Variants in DEFB134 observed in about 807,000 individuals in gnomAD.
DEFB134 encodes the protein beta-defensin 134.
A neutral mutation model predicts 7.4 loss-of-function variants in DEFB134; 7 were observed. The observed-to-expected ratio is 0.95, with a 90% confidence interval of 0.54 to 1.79. DEFB134 has a LOEUF of 1.79. Among genes scored for constraint, DEFB134 ranks in the 40% most tolerant of loss-of-function variants. The pLI, the probability that DEFB134 is intolerant of heterozygous loss-of-function variation, is 0.00. For missense variants in DEFB134, 105 were observed against 74.8 expected, an observed-to-expected ratio of 1.40 and a Z score of -1.49; for synonymous variants, 33 against 25.0, an observed-to-expected ratio of 1.32 and a Z score of -0.96.
chr8:11,993,486 G>C (rs1132195), exon 2 of DEFB134: 89,490 of 152,422 alleles, frequency 0.59, 26,826 homozygotes, highest in East Asian at 0.91. Context: ...CAGACTCAGT[G>C]CAGACTCGGG....
At chr8:11,999,178 C>T, upstream of DEFB134, 1 of 188,264 alleles carries the variant, frequency 5.3e-6, no homozygotes. Context: ...ATATCATGTC[C>T]AATTTCTTAG....
chr8:11,997,074 G>A (rs1018298687), upstream of DEFB134, among the ~76,000 whole-genome samples: 99 of 151,954 alleles, frequency 6.5e-4, 3 homozygotes, highest in Admixed American at 3.9e-4. Context: ...TTCCCCTCCT[G>A]ATTCTCTTTC....
chr8:11,999,451 C>G (rs1221975547), upstream of DEFB134: 1 of 155,060 alleles, frequency 6.4e-6, no homozygotes, highest in African/African-American at 2.4e-5. Context: ...CTGGAAGAGG[C>G]TTTAACCCAA....
chr8:11,996,659 AC>A (rs1800132196), upstream of DEFB134, among the ~76,000 whole-genome samples: 1 of 152,250 alleles, frequency 6.6e-6, no homozygotes, highest in African/African-American at 2.4e-5. Flanking sequence ...TGGACAAGTT[AC>A]AGATGAACTG....
chr8:11,997,854 C>G (rs116153332), upstream of DEFB134, among the ~76,000 whole-genome samples: 1 of 152,268 alleles, frequency 6.6e-6, no homozygotes, highest in South Asian at 2.1e-4. Context: ...CTAAACTCAA[C>G]ACTTGACCAA....
At chr8:11,999,268 G>C (rs1030731078), upstream of DEFB134, 1 of 209,906 alleles carries the variant, frequency 4.8e-6, no homozygotes, top group African/African-American at 2.4e-5. Flanking sequence ...AGAATTACTG[G>C]CTGAGGCTCC....
chr8:11,995,890 CTCT>C (rs1259826725), intron 1 of DEFB134, among the ~76,000 whole-genome samples: 3 of 149,722 alleles, frequency 2.0e-5, no homozygotes, highest in Non-Finnish European at 4.4e-5. Flanking sequence ...CCTTGTGAGA[CTCT>C]TCATTTCCAT....
exon 2 of DEFB134, chr8:11,993,879 G>A: frequency 6.8e-7 from 1 of 1,481,222 alleles, no homozygotes; most frequent in Non-Finnish European, 9.0e-7. Flanking sequence ...AGTAGTCATG[G>A]ACACATCATG....
chr8:11,997,784 AC>A (rs1294425553), upstream of DEFB134, among the ~76,000 whole-genome samples: 1 of 152,196 alleles, frequency 6.6e-6, no homozygotes, highest in Non-Finnish European at 1.5e-5. Context: ...AGACATTGAC[AC>A]CCCACTGACA....
upstream of DEFB134, among the ~76,000 whole-genome samples, chr8:11,997,296 C>T (rs537832652): frequency 6.6e-6 from 1 of 152,308 alleles, no homozygotes; most frequent in South Asian, 2.1e-4. Flanking sequence ...GGCTATACAT[C>T]TATGTGTTTA....
intron 1 of DEFB134, among the ~76,000 whole-genome samples, chr8:11,995,664 A>G (rs1464564579): frequency 6.6e-6 from 1 of 152,206 alleles, no homozygotes; most frequent in Non-Finnish European, 1.5e-5. Context: ...TAGTAAATTA[A>G]CTGTAGGAAA....
intron 1 of DEFB134, among the ~76,000 whole-genome samples, chr8:11,995,277 A>G (rs1338514295): frequency 2.0e-5 from 3 of 152,200 alleles, no homozygotes; most frequent in Non-Finnish European, 2.9e-5. Context: ...CCGTAATGGA[A>G]TTGGTTGCAT....
intron 1 of DEFB134, among the ~76,000 whole-genome samples, chr8:11,995,486 G>A: frequency 6.6e-6 from 1 of 152,266 alleles, no homozygotes; most frequent in Non-Finnish European, 1.5e-5. Flanking sequence ...GCTAAAGTCG[G>A]AAAGGATATG....
upstream of DEFB134, among the ~76,000 whole-genome samples, chr8:11,997,087 C>T (rs964099038): frequency 5.9e-5 from 9 of 152,146 alleles, no homozygotes; most frequent in African/African-American, 1.9e-4. Context: ...TCTCTTTCAC[C>T]TCTCAGTCTA....
upstream of DEFB134, among the ~76,000 whole-genome samples, chr8:12,000,697 A>C (rs775910300): frequency 2.0e-5 from 3 of 152,210 alleles, no homozygotes; most frequent in Admixed American, 6.5e-5. Flanking sequence ...GTCTCCCCCA[A>C]AATATCTTAC....
chr8:11,995,083 G>T (rs1800082133), intron 1 of DEFB134, among the ~76,000 whole-genome samples: 1 of 152,208 alleles, frequency 6.6e-6, no homozygotes, highest in Non-Finnish European at 1.5e-5. Context: ...TACTTAGTTT[G>T]CAAGACAGAA....
intron 1 of DEFB134, among the ~76,000 whole-genome samples, chr8:11,995,109 C>G (rs554450537): frequency 6.6e-6 from 1 of 152,164 alleles, no homozygotes; most frequent in Non-Finnish European, 1.5e-5. Context: ...AGAGGACAAT[C>G]TGTAACACTT....
At chr8:11,996,088 G>T in intron 1 of DEFB134, 106 bp downstream of exon 2, 2 of 1,361,290 alleles carry the variant, frequency 1.5e-6, no homozygotes, top group Admixed American at 2.1e-5. Context: ...CTTTTTTCTA[G>T]CTTGAAAATT....
chr8:11,994,270 G>A (rs1800060624), intron 1 of DEFB134, 148 bp from the exon 3 acceptor site: 2 of 991,374 alleles, frequency 2.0e-6, no homozygotes, highest in African/African-American at 3.3e-5. Context: ...TTAGTGGTAG[G>A]GGCTGAATTG....
Sources: gnomAD v4.1 joint callset for allele counts (sites outside exome capture counted in the v4.1 genomes callset) on GRCh38, gnomAD v4.1.1 for gene constraint, MANE v1.5 for transcripts, NCBI Gene and HGNC (gene_info 2026-07-23, HGNC 2026-07-21) for gene names.